Variants in LHFPL6 observed in about 807,000 individuals in gnomAD.
The protein encoded by LHFPL6 is LHFPL tetraspan subfamily member 6, also known as LHFPL tetraspan subfamily member 6 protein.
In LHFPL6, 9 loss-of-function variants were observed where a neutral mutation model predicts 20.6. The observed-to-expected ratio is 0.44, with a 90% confidence interval of 0.26 to 0.76. LHFPL6 has a LOEUF of 0.76. Among genes scored for constraint, LHFPL6 ranks in the 30% least tolerant of loss-of-function variants. LHFPL6 has a pLI of 0.20. For synonymous variants in LHFPL6, 105 were observed against 98.7 expected (o/e 1.06, Z -0.38); for missense variants, 218 against 253.5 (o/e 0.86, Z 0.95).
chr13:39,526,798 T>C (rs1317929651), intron 2 of LHFPL6, among the ~76,000 whole-genome samples: 2 of 152,230 alleles, frequency 1.3e-5, no homozygotes, highest in African/African-American at 4.8e-5. Flanking sequence ...TTTACATCTG[T>C]AATTTCGAAG....
chr13:39,418,270 A>G (rs1450950587), intron 2 of LHFPL6, among the ~76,000 whole-genome samples: 1 of 152,206 alleles, frequency 6.6e-6, no homozygotes, highest in Non-Finnish European at 1.5e-5. Flanking sequence ...TAAATATTCA[A>G]TGAACTTAAA....
At chr13:39,564,714 C>T (rs1234158264) in intron 2 of LHFPL6, among the ~76,000 whole-genome samples, 1 of 152,142 alleles carries the variant, frequency 6.6e-6, no homozygotes, top group African/African-American at 2.4e-5. Context: ...AATAGAAAAG[C>T]TGATGGAAGA....
chr13:39,410,533 C>G (rs1483873017), intron 2 of LHFPL6, among the ~76,000 whole-genome samples: 1 of 152,172 alleles, frequency 6.6e-6, no homozygotes, highest in Admixed American at 6.5e-5. Flanking sequence ...TTCAGAGAAA[C>G]AGATCCTCTT....
At chr13:39,549,895 T>C (rs1464516829) in intron 2 of LHFPL6, among the ~76,000 whole-genome samples, 7 of 152,152 alleles carry the variant, frequency 4.6e-5, no homozygotes, top group Middle Eastern at 6.8e-3. Context: ...AAATGCATCA[T>C]CCTGAGTAAA....
At chr13:39,601,464 A>G (rs1422998053) in intron 1 of LHFPL6, 74 bp from the exon 2 acceptor site, 1 of 367,940 alleles carries the variant, frequency 2.7e-6, no homozygotes, top group African/African-American at 2.0e-5. Context: ...GCTAGTCTAC[A>G]ATTTTCAATT....
intron 2 of LHFPL6, among the ~76,000 whole-genome samples, chr13:39,539,045 T>C (rs1267237944): frequency 6.6e-6 from 1 of 152,166 alleles, no homozygotes; most frequent in East Asian, 1.9e-4. Flanking sequence ...TGCATGGCTG[T>C]GTTTCAGTAA....
chr13:39,343,711 T>G lies in LHFPL6; in HGVS notation c.*225A>C. The G allele has an allele frequency of 4.4e-6, 2 of 455,120 alleles. No homozygotes were observed. Among genetic ancestry groups the G allele is most frequent in the Non-Finnish European group, 3.9e-6 (1 of 254,506 alleles). The allele number at this position is 455,120 out of a possible 1,614,324, so 28.2% of individuals were successfully genotyped here. Reference sequence around the variant, plus strand: ...CGATGCCCTGCAATATTTTTAGCCTTTGGTCCATTTTTCTCCATCATTCTA... The same window carrying G: ...CGATGCCCTGCAATATTTTTAGCCTGTGGTCCATTTTTCTCCATCATTCTA... On this transcript the variant is annotated 3_prime_UTR_variant, in exon 4 of 4. Transcript: ENST00000379589.
chr13:39,440,474 T>A (rs1593313855), intron 2 of LHFPL6, among the ~76,000 whole-genome samples: 1 of 152,132 alleles, frequency 6.6e-6, no homozygotes, highest in Non-Finnish European at 1.5e-5. Flanking sequence ...TATATAAAAT[T>A]TTTTAAAATG....
chr13:39,398,462 G>C (rs535750137), intron 2 of LHFPL6, among the ~76,000 whole-genome samples: 1 of 152,116 alleles, frequency 6.6e-6, no homozygotes, highest in Non-Finnish European at 1.5e-5. Context: ...CTCCCTAAAG[G>C]GTAAAGCCTT....
chr13:39,506,730 G>C (rs966468179), intron 2 of LHFPL6, among the ~76,000 whole-genome samples: 1 of 151,988 alleles, frequency 6.6e-6, no homozygotes, highest in Admixed American at 6.6e-5. Context: ...AGGTGGGGGG[G>C]AAGGTGTGGA....
chr13:39,391,052 G>T (rs1358325092), intron 2 of LHFPL6, among the ~76,000 whole-genome samples: 2 of 152,134 alleles, frequency 1.3e-5, no homozygotes, highest in Non-Finnish European at 2.9e-5. Flanking sequence ...CAGTAATGCA[G>T]AAAGTATCAA....
chr13:39,569,180 T>C (rs1326071984), intron 2 of LHFPL6, among the ~76,000 whole-genome samples: 142 of 83,100 alleles, frequency 1.7e-3, no homozygotes, highest in South Asian at 3.4e-3. Context: ...GATGGATGGA[T>C]GGATGGATGG....
intron 2 of LHFPL6, among the ~76,000 whole-genome samples, chr13:39,441,187 G>A (rs1323514417): frequency 9.3e-6 from 1 of 107,224 alleles, no homozygotes; most frequent in Non-Finnish European, 1.7e-5. Flanking sequence ...TCTCTCTGTT[G>A]CTCAGGTTGA....
chr13:39,554,124 C>T (rs1871227993), intron 2 of LHFPL6, among the ~76,000 whole-genome samples: 1 of 152,206 alleles, frequency 6.6e-6, no homozygotes, highest in African/African-American at 2.4e-5. Context: ...ACCAATAACA[C>T]CATTACTTGT....
At chr13:39,449,900 C>T (rs1025254298) in intron 2 of LHFPL6, among the ~76,000 whole-genome samples, 9 of 151,568 alleles carry the variant, frequency 5.9e-5, no homozygotes, top group African/African-American at 2.2e-4. Context: ...AGCTCTGCAT[C>T]AGACTTACCT....
chr13:39,549,849 A>C (rs1205769378), intron 2 of LHFPL6, among the ~76,000 whole-genome samples: 1 of 152,278 alleles, frequency 6.6e-6, no homozygotes, highest in East Asian at 1.9e-4. Flanking sequence ...AAAAGGAAAC[A>C]AAATAATGTC....
intron 2 of LHFPL6, among the ~76,000 whole-genome samples, chr13:39,456,185 C>G (rs765912863): frequency 3.3e-5 from 5 of 152,198 alleles, no homozygotes; most frequent in African/African-American, 4.8e-5. Context: ...GCCACATCTT[C>G]CTGGGGATAA....
chr13:39,577,142 C>G (rs1872141323), intron 2 of LHFPL6, among the ~76,000 whole-genome samples: 1 of 152,126 alleles, frequency 6.6e-6, no homozygotes, highest in African/African-American at 2.4e-5. Context: ...TAGAAAAATA[C>G]TTAAGTGCTA....
intron 2 of LHFPL6, among the ~76,000 whole-genome samples, chr13:39,487,812 G>T (rs1998987): frequency 6.6e-6 from 1 of 152,018 alleles, no homozygotes; most frequent in Non-Finnish European, 1.5e-5. Context: ...TTGGGAGGCC[G>T]AGATGGGTGG....
Sources: gnomAD v4.1 joint callset for allele counts (sites outside exome capture counted in the v4.1 genomes callset) on GRCh38, gnomAD v4.1.1 for gene constraint, MANE v1.5 for transcripts, NCBI Gene and HGNC (gene_info 2026-07-23, HGNC 2026-07-21) for gene names.